RAB4A: variants seen among roughly 807,000 people sequenced by gnomAD.
RAB4A encodes the protein ras-related protein Rab-4A.
RAB4A carries 20 observed loss-of-function variants against 34.5 expected under a neutral mutation model. That is an observed-to-expected ratio of 0.58 (90% CI 0.41 to 0.84). The LOEUF (loss-of-function observed/expected upper bound fraction) is 0.84, where lower values mean the gene tolerates loss of function less well. Ranked by LOEUF, RAB4A falls within the 40% of genes least tolerant of loss-of-function variation. The probability of loss-of-function intolerance (pLI) is 0.00; values close to 1 mark genes in which losing one functional copy is unlikely to be tolerated. For missense variants in RAB4A, 228 were observed against 274.5 expected, an observed-to-expected ratio of 0.83 and a Z score of 1.20; for synonymous variants, 102 against 100.0, an observed-to-expected ratio of 1.02 and a Z score of -0.12.
At chr1:229,286,297 A>C (rs1422584478) in intron 1 of RAB4A, among the ~76,000 whole-genome samples, 189 bp from the exon 2 acceptor site, 2 of 152,240 alleles carry the variant, frequency 1.3e-5, no homozygotes, top group African/African-American at 4.8e-5. Flanking sequence ...CACTGAATTA[A>C]CATGTCAGCC....
intron 1 of RAB4A, among the ~76,000 whole-genome samples, chr1:229,283,804 G>A (rs1656841413): frequency 6.6e-6 from 1 of 150,580 alleles, no homozygotes; most frequent in South Asian, 2.1e-4. Flanking sequence ...TTGCTTCACT[G>A]CAACCTCTGC....
chr1:229,302,287 A>T lies in RAB4A; in HGVS notation c.542-575A>T, dbSNP rs1558242295. Among the ~76,000 whole-genome samples, 13 of 21,156 alleles carry T rather than the reference A, an allele frequency of 6.1e-4. 2 individuals are homozygous for T. Among genetic ancestry groups the T allele is most frequent in the African/African-American group, 2.1e-3 (8 of 3,778 alleles). 13.9% of individuals were successfully genotyped at this position (21,156 alleles called of 152,430 possible). On this transcript the variant is annotated intron_variant, in intron 6 of 7. Coordinates refer to ENST00000366690, the MANE Select transcript of RAB4A (RefSeq NM_004578.4). The stretch of plus-strand genomic sequence containing the variant: ...TATATATATATATATATATATATAT[A>T]TATATATATATATATATATATATTT...
intron 1 of RAB4A, among the ~76,000 whole-genome samples, chr1:229,282,043 A>G (rs1209489832): frequency 6.6e-6 from 1 of 152,018 alleles, no homozygotes; most frequent in Non-Finnish European, 1.5e-5. Context: ...TTCCACTCAG[A>G]TGTTCCAAGA....
intron 6 of RAB4A, 92 bp from the exon 7 acceptor site, chr1:229,302,770 G>A: frequency 2.3e-6 from 2 of 871,850 alleles, no homozygotes; most frequent in East Asian, 5.3e-5. Flanking sequence ...TATACACAGT[G>A]TTCTGTACTT....
At chr1:229,276,082 T>G (rs1313060627) in intron 1 of RAB4A, among the ~76,000 whole-genome samples, 5 of 151,606 alleles carry the variant, frequency 3.3e-5, no homozygotes, top group Middle Eastern at 6.8e-3. Flanking sequence ...AAAGGACATT[T>G]CTTCAAGTTG....
At chr1:229,296,897 C>G (rs1011863657) in intron 4 of RAB4A, among the ~76,000 whole-genome samples, 5 of 152,156 alleles carry the variant, frequency 3.3e-5, no homozygotes, top group Non-Finnish European at 5.9e-5. Flanking sequence ...ACATGAGGGC[C>G]AAAAATAGTA....
intron 1 of RAB4A, among the ~76,000 whole-genome samples, chr1:229,272,434 C>T (rs899751242): frequency 6.6e-6 from 1 of 152,008 alleles, no homozygotes; most frequent in Non-Finnish European, 1.5e-5. Context: ...TGCAGAAACA[C>T]AGCAGACACG....
intron 3 of RAB4A, among the ~76,000 whole-genome samples, chr1:229,292,792 T>C (rs1019083140): frequency 3.9e-5 from 6 of 152,210 alleles, no homozygotes; most frequent in African/African-American, 1.4e-4. Context: ...TCTTTTTTTT[T>C]CTGACATCAA....
chr1:229,295,806 G>T, intron 3 of RAB4A, 42 bp from the exon 4 acceptor site: 2 of 1,601,936 alleles, frequency 1.2e-6, no homozygotes, highest in South Asian at 1.1e-5. Context: ...TACAGTAAAG[G>T]GTCTCAATTG....
At chr1:229,274,396 A>AATG (rs1307572000) in intron 1 of RAB4A, among the ~76,000 whole-genome samples, 1 of 152,046 alleles carries the variant, frequency 6.6e-6, no homozygotes, top group Non-Finnish European at 1.5e-5. Flanking sequence ...ACCTCTCATT[A>AATG]ATGTGTTCAT....
chr1:229,276,296 C>T (rs1460156191), intron 1 of RAB4A, among the ~76,000 whole-genome samples: 2 of 151,314 alleles, frequency 1.3e-5, no homozygotes, highest in Non-Finnish European at 2.9e-5. Context: ...CCGGGCCGTG[C>T]AGGTGCTGTT....
rs146979122 is a variant in RAB4A, at chr1:229,289,061, C to T, written c.227+218C>T. On this transcript the variant is annotated intron_variant, in intron 3 of 7. Coordinates refer to ENST00000366690, the MANE Select transcript of RAB4A (RefSeq NM_004578.4). Reference sequence around the variant, plus strand: ...ACTAAAGAATACAGGAGGATCTCCGCGCAACTGCATTATAATTCGGAGGCT... The same window carrying T: ...ACTAAAGAATACAGGAGGATCTCCGTGCAACTGCATTATAATTCGGAGGCT... The T allele has an allele frequency of 5.2e-3, 2,521 of 480,522 alleles. 15 individuals carry two copies. Among genetic ancestry groups the T allele is most frequent in the South Asian group, 0.012 (458 of 39,218 alleles). The allele number at this position is 480,522 out of a possible 1,614,324, so 29.8% of individuals were successfully genotyped here.
chr1:229,275,707 A>T (rs956517977), intron 1 of RAB4A, among the ~76,000 whole-genome samples: 1 of 134,602 alleles, frequency 7.4e-6, no homozygotes, highest in Non-Finnish European at 1.5e-5. Context: ...TGCAACCTCC[A>T]CCTCCCGGGT....
chr1:229,288,900 G>T lies in RAB4A; in HGVS notation c.227+57G>T, dbSNP rs142462158. ...GAAAATTTGATTTAAAATAATTGAT[G>T]ATATTCTCTCAATATATAAGGTCTC... On this transcript the variant is annotated intron_variant, in intron 3 of 7. Coordinates refer to ENST00000366690, the MANE Select transcript of RAB4A (RefSeq NM_004578.4). The T allele has an allele frequency of 1.7e-4, 178 of 1,047,330 alleles. 1 individual carries two copies. The East Asian group carries it at 4.3e-3, about 25-fold the overall frequency. The allele number at this position is 1,047,330 out of a possible 1,614,324, so 64.9% of individuals were successfully genotyped here. A position where few individuals can be genotyped will look rare whatever the true frequency, so the allele number is the denominator to read the frequency against.
At chr1:229,302,295 ATATATATATATATATTTTTT>A (rs1657423743) in intron 6 of RAB4A, among the ~76,000 whole-genome samples, 3 of 25,200 alleles carry the variant, frequency 1.2e-4, no homozygotes, top group Non-Finnish European at 2.2e-4. Context: ...ATATATATAT[ATATATATATATATATTTTTT>A]TTTTTTTTTT....
chr1:229,271,744 G>A (rs376997970), intron 1 of RAB4A, among the ~76,000 whole-genome samples: 6 of 152,222 alleles, frequency 3.9e-5, no homozygotes, highest in Non-Finnish European at 1.5e-5. Context: ...ATTATCCCCA[G>A]CGAGCCTGTG....
Position 229,278,269 on chromosome 1 carries a change from A to G in RAB4A, c.31+6899A>G, listed in dbSNP as rs373975707. 1.1e-4 allele frequency among the ~76,000 whole-genome samples: 16 copies of G among 152,240 alleles called. No homozygotes were observed. The East Asian group carries it at 1.5e-3, about 15-fold the overall frequency. ...TCTTTCAACTACACACACTTTGCACAGCTCCAGCCCTGGCTACCCAGCCAT... is the reference window on the plus strand; with the variant it reads ...TCTTTCAACTACACACACTTTGCACGGCTCCAGCCCTGGCTACCCAGCCAT... On this transcript the variant is annotated intron_variant, in intron 1 of 7. Coordinates refer to ENST00000366690, the MANE Select transcript of RAB4A (RefSeq NM_004578.4).
chr1:229,273,939 C>G (rs544945259), intron 1 of RAB4A, among the ~76,000 whole-genome samples: 4 of 152,086 alleles, frequency 2.6e-5, no homozygotes, highest in Admixed American at 6.6e-5. Flanking sequence ...GAATGTTTGC[C>G]TAACCTTTAA....
chr1:229,300,683 G>T (rs1364385091), intron 6 of RAB4A, among the ~76,000 whole-genome samples: 1 of 152,160 alleles, frequency 6.6e-6, no homozygotes, highest in African/African-American at 2.4e-5. Flanking sequence ...CAAATGTGCG[G>T]CCTTTGCGGT....
Sources: gnomAD v4.1 joint callset for allele counts (sites outside exome capture counted in the v4.1 genomes callset) on GRCh38, gnomAD v4.1.1 for gene constraint, MANE v1.5 for transcripts, NCBI Gene and HGNC (gene_info 2026-07-23, HGNC 2026-07-21) for gene names.